CES5A: variants seen among roughly 807,000 people sequenced by gnomAD.
CES5A encodes the protein carboxylesterase 5A, also known as carboxylesterase 5.
A neutral mutation model predicts 62.9 loss-of-function variants in CES5A; 67 were observed. The ratio of observed to expected loss-of-function variants is 1.07; its 90% CI spans 0.88 to 1.31. The LOEUF (loss-of-function observed/expected upper bound fraction) is 1.31, where lower values mean the gene tolerates loss of function less well. Ranked by LOEUF, CES5A falls within the 50% of genes most tolerant of loss-of-function variation. The pLI is 0.00. For missense variants in CES5A, 748 were observed against 708.5 expected (o/e 1.06, Z -0.63); for synonymous variants, 296 against 280.8 (o/e 1.05, Z -0.54).
chr16:55,949,943 TA>T, intron 1 of CES5A: 1 of 890,950 alleles, frequency 1.1e-6, no homozygotes, highest in Non-Finnish European at 1.6e-6. Context: ...ACATTGATGA[TA>T]ACAATAATAT....
At chr16:55,952,874 G>A (rs989143990) in intron 1 of CES5A, among the ~76,000 whole-genome samples, 1 of 152,038 alleles carries the variant, frequency 6.6e-6, no homozygotes, top group Admixed American at 6.6e-5. Context: ...TACTATGCAG[G>A]GCATGGAAGA....
At chr16:55,863,685 T>C (rs2033399791) in intron 5 of CES5A, among the ~76,000 whole-genome samples, 1 of 152,190 alleles carries the variant, frequency 6.6e-6, no homozygotes, top group African/African-American at 2.4e-5. Context: ...TTCAGGCATG[T>C]GATTTCTAGC....
chr16:55,941,493 A>G (rs926761276), intron 2 of CES5A, among the ~76,000 whole-genome samples: 4 of 152,210 alleles, frequency 2.6e-5, no homozygotes, highest in Admixed American at 6.5e-5. Flanking sequence ...AAGATACACC[A>G]TGTTCATGGA....
At chr16:55,851,822 G>C (rs139701402) in intron 10 of CES5A, among the ~76,000 whole-genome samples, 34 of 152,192 alleles carry the variant, frequency 2.2e-4, no homozygotes, top group African/African-American at 7.0e-4. Context: ...TACACAAAAT[G>C]TGATATATAC....
rs560882062 is a variant in CES5A at position 55,871,981 on chromosome 16, A to G, written c.279-218T>C. On this transcript the variant is annotated intron_variant, in intron 2 of 12. Transcript: ENST00000290567. ...CTCATTGATCTGGTTCCTGGGTAGGAAAGCACATGGTGTAGAATAATTGCA... is the reference window on the plus strand; with the variant it reads ...CTCATTGATCTGGTTCCTGGGTAGGGAAGCACATGGTGTAGAATAATTGCA... The G allele has an allele frequency of 5.8e-6, 3 of 514,570 alleles. No individual in the cohort carries two copies. In the Admixed American group the frequency reaches 9.5e-5, roughly 16 times the overall value. The allele number at this position is 514,570 out of a possible 1,614,324, so 31.9% of individuals were successfully genotyped here.
At chr16:55,872,651 T>C (rs928620533) in intron 2 of CES5A, among the ~76,000 whole-genome samples, 1 of 152,166 alleles carries the variant, frequency 6.6e-6, no homozygotes, top group Non-Finnish European at 1.5e-5. Flanking sequence ...TTGCTGCACG[T>C]CTTCTCCTGA....
chr16:55,932,203 A>G (rs954395558), intron 2 of CES5A, among the ~76,000 whole-genome samples: 1 of 152,152 alleles, frequency 6.6e-6, no homozygotes, highest in South Asian at 2.1e-4. Context: ...ATTGCTATCC[A>G]TGTGATGCCC....
chr16:55,858,523 C>T (rs1466254131), intron 8 of CES5A, among the ~76,000 whole-genome samples: 9 of 152,146 alleles, frequency 5.9e-5, no homozygotes, highest in African/African-American at 2.2e-4. Flanking sequence ...TCAGTGGCCT[C>T]GTCTGCAACA....
At chr16:55,890,899 A>T (rs1293781725) in intron 1 of CES5A, among the ~76,000 whole-genome samples, 1 of 152,204 alleles carries the variant, frequency 6.6e-6, no homozygotes, top group African/African-American at 2.4e-5. Flanking sequence ...TCTTCAAAGA[A>T]TCAATATGTC....
At chr16:55,875,107 C>A (rs1284160967) in intron 1 of CES5A, 42 bp downstream of exon 1, 3 of 1,585,822 alleles carry the variant, frequency 1.9e-6, no homozygotes, top group South Asian at 1.1e-5. Flanking sequence ...TCCTCACCCA[C>A]CCCATCTTCT....
intron 1 of CES5A, among the ~76,000 whole-genome samples, chr16:55,914,482 C>G (rs993663833): frequency 6.6e-6 from 1 of 152,036 alleles, no homozygotes; most frequent in East Asian, 1.9e-4. Context: ...TGAGGCTACG[C>G]CAGGGGATGA....
chr16:55,901,936 G>C (rs2033994473), intron 1 of CES5A, among the ~76,000 whole-genome samples: 1 of 152,168 alleles, frequency 6.6e-6, no homozygotes, highest in African/African-American at 2.4e-5. Context: ...GCCAGCAGCA[G>C]CCAAAATTCC....
chr16:55,880,411 G>T (rs562911869), intron 1 of CES5A, among the ~76,000 whole-genome samples: 2 of 152,280 alleles, frequency 1.3e-5, no homozygotes, highest in South Asian at 2.1e-4. Context: ...AGGAAGTGGG[G>T]CTCCCATTGC....
intron 10 of CES5A, among the ~76,000 whole-genome samples, chr16:55,850,905 T>TA (rs2033119401): frequency 4.0e-5 from 3 of 74,362 alleles, no homozygotes; most frequent in Non-Finnish European, 9.3e-5. Flanking sequence ...CCTTTTCTTT[T>TA]TAAAAAAATT....
chr16:55,864,144 A>G (rs2033409881), intron 5 of CES5A, among the ~76,000 whole-genome samples: 1 of 152,228 alleles, frequency 6.6e-6, no homozygotes, highest in Non-Finnish European at 1.5e-5. Context: ...CAGGGGAGGT[A>G]ATAAACATAG....
At chr16:55,866,149 T>A in intron 4 of CES5A, 33 bp from the exon 5 acceptor site, 2 of 1,595,200 alleles carry the variant, frequency 1.3e-6, no homozygotes, top group Non-Finnish European at 1.7e-6. Context: ...GAATTCTTGG[T>A]CAGCCATGGT....
chr16:55,890,494 A>C (rs2033865203), intron 1 of CES5A, among the ~76,000 whole-genome samples: 2 of 152,280 alleles, frequency 1.3e-5, no homozygotes, highest in African/African-American at 4.8e-5. Context: ...CAGAGAATAA[A>C]AAAGTAGGGA....
chr16:55,870,115 C>T (rs1301674655), intron 3 of CES5A, among the ~76,000 whole-genome samples: 1 of 152,210 alleles, frequency 6.6e-6, no homozygotes, highest in African/African-American at 2.4e-5. Flanking sequence ...TTTCAAGTTT[C>T]AAGTGCTCAG....
At chr16:55,900,492 T>C (rs567193548) in intron 1 of CES5A, among the ~76,000 whole-genome samples, 7 of 152,116 alleles carry the variant, frequency 4.6e-5, no homozygotes, top group African/African-American at 1.7e-4. Context: ...TCTAAAAGAA[T>C]GAGCCCAGGG....
Sources: gnomAD v4.1 joint callset for allele counts (sites outside exome capture counted in the v4.1 genomes callset) on GRCh38, gnomAD v4.1.1 for gene constraint, MANE v1.5 for transcripts, NCBI Gene and HGNC (gene_info 2026-07-23, HGNC 2026-07-21) for gene names.